The following CNTNAP2 variants were observed in gnomAD, a reference collection of about 807,000 sequenced individuals.
CNTNAP2 encodes the protein contactin-associated protein-like 2.
In CNTNAP2, 98 loss-of-function variants were observed where a neutral mutation model predicts 155.2. That is an observed-to-expected ratio of 0.63 (90% confidence interval 0.54 to 0.75). CNTNAP2 has a LOEUF of 0.75. Among genes scored for constraint, CNTNAP2 ranks in the 30% least tolerant of loss-of-function variants. The pLI, the probability that CNTNAP2 is intolerant of heterozygous loss-of-function variation, is 0.00. For synonymous variants in CNTNAP2, 651 were observed against 631.2 expected, an observed-to-expected ratio of 1.03 and a Z score of -0.47; for missense variants, 1,727 against 1,688.1, an observed-to-expected ratio of 1.02 and a Z score of -0.40.
intron 13 of CNTNAP2, among the ~76,000 whole-genome samples, chr7:147,715,432 A>G (rs1319967972): frequency 1.3e-5 from 2 of 152,094 alleles, no homozygotes; most frequent in African/African-American, 2.4e-5. Flanking sequence ...CTGATGACTA[A>G]TGATGCCAAG....
chr7:147,011,254 A>C (rs1056558757), intron 3 of CNTNAP2, among the ~76,000 whole-genome samples: 2 of 151,800 alleles, frequency 1.3e-5, no homozygotes, highest in African/African-American at 4.8e-5. Flanking sequence ...TCTCTACTAA[A>C]AATACAAAAA....
chr7:147,824,910 G>A (rs1474512478), intron 13 of CNTNAP2, among the ~76,000 whole-genome samples: 1 of 152,094 alleles, frequency 6.6e-6, no homozygotes, highest in Non-Finnish European at 1.5e-5. Flanking sequence ...TATAGGGAAG[G>A]CAGACAGGGA....
In CNTNAP2 at chr7:147,834,820, T is replaced by C. The variant is rs1798609555; in HGVS notation, c.2099-68745T>C. On this transcript the variant is annotated intron_variant, in intron 13 of 23. Coordinates refer to ENST00000361727, the MANE Select transcript of CNTNAP2 (RefSeq NM_014141.6). ...CTATGTTATATCACACTTTGCCTAA[T>C]AATAATGCTGCTGTCAATTTAATGA... Among the ~76,000 whole-genome samples the C allele has an allele frequency of 2.6e-5, 4 of 152,326 alleles. 1 individual carries two copies. The South Asian group carries it at 8.3e-4, about 32-fold the overall frequency.
chr7:147,874,264 C>A (rs939759796), intron 13 of CNTNAP2, among the ~76,000 whole-genome samples: 1 of 152,242 alleles, frequency 6.6e-6, no homozygotes, highest in Admixed American at 6.5e-5. Flanking sequence ...CCCTTCTGCA[C>A]TGACCTAGGA....
chr7:148,409,827 G>GAATTTCTT lies in CNTNAP2; in HGVS notation c.3796+356_3796+357insAATTTCTT, dbSNP rs1563077670. On this transcript the variant is annotated intron_variant, in intron 23 of 23. Transcript: ENST00000361727. Reference sequence around the variant, plus strand: ...AGCACTTTGGGAGGCCGAGGCGGGCGGATCACAAGGTCAGGAGATCGAGAC... The same window carrying GAATTTCTT: ...AGCACTTTGGGAGGCCGAGGCGGGCGAATTTCTTGATCACAAGGTCAGGAGATCGAGAC... Among the ~76,000 whole-genome samples, 174 of 92,506 alleles carry GAATTTCTT rather than the reference G, an allele frequency of 1.9e-3. 1 individual carries two copies. Among genetic ancestry groups the GAATTTCTT allele is most frequent in the African/African-American group, 2.6e-3 (54 of 20,990 alleles). The allele number at this position is 92,506 out of a possible 152,430, so 60.7% of individuals were successfully genotyped here.
chr7:147,516,618 ATGTGTGTGTG>A (rs10681580), intron 11 of CNTNAP2, among the ~76,000 whole-genome samples: 5 of 149,936 alleles, frequency 3.3e-5, no homozygotes, highest in African/African-American at 7.3e-5. Flanking sequence ...GAGAGAGAGA[ATGTGTGTGTG>A]TGTGTGTGTG....
chr7:148,267,476 A>G (rs891255611), intron 21 of CNTNAP2, among the ~76,000 whole-genome samples: 1 of 151,966 alleles, frequency 6.6e-6, no homozygotes, highest in Non-Finnish European at 1.5e-5. Flanking sequence ...CCAACATGGC[A>G]AAACCCCGTC....
intron 4 of CNTNAP2, among the ~76,000 whole-genome samples, chr7:147,079,934 A>G (rs1479527852): frequency 6.6e-6 from 1 of 151,822 alleles, no homozygotes; most frequent in Non-Finnish European, 1.5e-5. Context: ...GACTCAGAAA[A>G]GTGCTCTTTC....
At chr7:146,456,150 G>A (rs1241458611) in intron 1 of CNTNAP2, among the ~76,000 whole-genome samples, 1 of 152,102 alleles carries the variant, frequency 6.6e-6, no homozygotes, top group Non-Finnish European at 1.5e-5. Context: ...ATTCTTGGCT[G>A]GTGTCAGATT....
chr7:146,371,376 T>TTTTG (rs1554424476), intron 1 of CNTNAP2, among the ~76,000 whole-genome samples: 1 of 140,128 alleles, frequency 7.1e-6, no homozygotes, highest in Non-Finnish European at 1.5e-5. Context: ...TTTTTTTTTT[T>TTTTG]TTTTTTTTTT....
chr7:147,074,687 TA>T, intron 4 of CNTNAP2, among the ~76,000 whole-genome samples: 1 of 152,300 alleles, frequency 6.6e-6, no homozygotes, highest in African/African-American at 2.4e-5. Context: ...TACATCATAT[TA>T]AAAATGAAAA....
Position 146,352,750 on chromosome 7 carries a change from G to GTTTTTTTGTTTTTTT in CNTNAP2, c.97+235784_97+235785insGTTTTTTTTTTTTTT. ...TTATAATTTCAATTAGCATAATTCT[G>GTTTTTTTGTTTTTTT]TTTTTTTTTTTTTTTTTTTTTCGAG... On this transcript the variant is annotated intron_variant, in intron 1 of 23. Coordinates refer to ENST00000361727, the MANE Select transcript of CNTNAP2 (RefSeq NM_014141.6). Among the ~76,000 whole-genome samples the GTTTTTTTGTTTTTTT allele has an allele frequency of 3.1e-5, 2 of 64,338 alleles. 1 individual carries two copies. Among genetic ancestry groups the GTTTTTTTGTTTTTTT allele is most frequent in the Admixed American group, 4.8e-4 (2 of 4,194 alleles). 42.2% of individuals were successfully genotyped at this position (64,338 alleles called of 152,430 possible). A position where few individuals can be genotyped will look rare whatever the true frequency, so the allele number is the denominator to read the frequency against.
chr7:146,152,368 G>C (rs942838476), intron 1 of CNTNAP2, among the ~76,000 whole-genome samples: 3 of 152,010 alleles, frequency 2.0e-5, no homozygotes, highest in African/African-American at 7.2e-5. Flanking sequence ...GGGATGGTTG[G>C]GGTACTGTGG....
chr7:147,534,493 A>G (rs1270217982), intron 11 of CNTNAP2, among the ~76,000 whole-genome samples: 1 of 152,170 alleles, frequency 6.6e-6, no homozygotes, highest in Non-Finnish European at 1.5e-5. Flanking sequence ...GGATAGGGCA[A>G]TCATATGATT....
chr7:148,282,157 A>G (rs1349510570), intron 21 of CNTNAP2, among the ~76,000 whole-genome samples: 1 of 152,220 alleles, frequency 6.6e-6, no homozygotes, highest in Non-Finnish European at 1.5e-5. Flanking sequence ...TACTGTCAAT[A>G]TCAGAATAAT....
chr7:148,126,023 G>C (rs1052556077), intron 16 of CNTNAP2, among the ~76,000 whole-genome samples: 1 of 152,026 alleles, frequency 6.6e-6, no homozygotes, highest in East Asian at 1.9e-4. Context: ...ATAATATTTT[G>C]GATAGGATAA....
At chr7:147,685,484 A>G (rs1485242969) in intron 13 of CNTNAP2, among the ~76,000 whole-genome samples, 1 of 151,986 alleles carries the variant, frequency 6.6e-6, no homozygotes, top group African/African-American at 2.4e-5. Context: ...TAAGTAAAAT[A>G]TGTTTCAGAT....
intron 11 of CNTNAP2, among the ~76,000 whole-genome samples, chr7:147,489,398 C>A (rs868653557): frequency 1.4e-4 from 21 of 150,978 alleles, no homozygotes; most frequent in African/African-American, 5.2e-4. Context: ...ACAAAAGAGG[C>A]AAGTTTGTTA....
At chr7:147,488,871 T>C (rs1391204013) in intron 11 of CNTNAP2, among the ~76,000 whole-genome samples, 1 of 152,222 alleles carries the variant, frequency 6.6e-6, no homozygotes, top group African/African-American at 2.4e-5. Flanking sequence ...TTAACAGTGC[T>C]CACCTCTTCA....
Sources: allele counts gnomAD v4.1 joint callset (sites outside exome capture counted in the v4.1 genomes callset), GRCh38; gene constraint gnomAD v4.1.1; transcripts MANE v1.5; gene names NCBI Gene and HGNC (gene_info 2026-07-23, HGNC 2026-07-21).